Variants in KCNH2 observed in about 807,000 individuals in gnomAD.
KCNH2 encodes the protein potassium voltage-gated channel subfamily H member 2.
Under a neutral mutation model 95.9 loss-of-function variants are expected in KCNH2, and 35 were observed. The observed-to-expected ratio is 0.37, with a 90% confidence interval of 0.28 to 0.48. The LOEUF (loss-of-function observed/expected upper bound fraction) is 0.48, where lower values mean the gene tolerates loss of function less well. KCNH2 is among the 20% of genes least tolerant of loss of function. KCNH2 has a pLI of 0.99. For synonymous variants in KCNH2, 786 were observed against 754.7 expected, an observed-to-expected ratio of 1.04 and a Z score of -0.68; for missense variants, 1,274 against 1,702.9, an observed-to-expected ratio of 0.75 and a Z score of 4.43.
intron 2 of KCNH2, among the ~76,000 whole-genome samples, chr7:150,969,091 C>T (rs1344514758): frequency 6.6e-6 from 1 of 152,188 alleles, no homozygotes; most frequent in African/African-American, 2.4e-5. Context: ...GCCCATCATG[C>T]CCCAGAAGGG....
In KCNH2 at chr7:150,949,339, A is replaced by G. The variant is rs1414118331; in HGVS notation, c.2399-290T>C. ...CAGGTCCCAAACACCCTCTTAGCCA[A>G]TCACTGCACCCTTATAAGCAATGTT... On this transcript the variant is annotated intron_variant, in intron 9 of 14. Transcript: ENST00000262186. The G allele has an allele frequency of 1.9e-5, 25 of 1,334,478 alleles. No individual in the cohort carries two copies. In the Admixed American group the frequency reaches 8.0e-4, roughly 43 times the overall value. 82.7% of individuals were successfully genotyped at this position (1,334,478 alleles called of 1,614,324 possible). A position where few individuals can be genotyped will look rare whatever the true frequency, so the allele number is the denominator to read the frequency against.
At chr7:150,954,073 C>T (rs1327072051) in intron 5 of KCNH2, among the ~76,000 whole-genome samples, 9 of 152,208 alleles carry the variant, frequency 5.9e-5, no homozygotes, top group Admixed American at 5.9e-4. Flanking sequence ...AAGATTTGAC[C>T]ACCCTGGGGT....
intron 5 of KCNH2, chr7:150,955,953 T>A: frequency 1.8e-6 from 1 of 550,278 alleles, no homozygotes; most frequent in Non-Finnish European, 2.3e-6. Context: ...TCCCGCAGCC[T>A]GAGCCCCTCC....
rs1184331618 is a variant in KCNH2 at position 150,978,268 on chromosome 7, C to T, written c.-355G>A. ...GCCTGCCACCGCGCCGACAGCCGCT[C>T]CAGCGCCCGCGGCTCGGGCAGCGCC... On this transcript the variant is annotated 5_prime_UTR_variant, in exon 1 of 15. Coordinates refer to ENST00000262186, the MANE Select transcript of KCNH2 (RefSeq NM_000238.4). 6.8e-6 allele frequency: 1 copy of T among 146,592 alleles called. No individual in the cohort carries two copies. The highest frequency in any genetic ancestry group is 1.5e-5 in the Non-Finnish European group (1 of 65,840). The allele number at this position is 146,592 out of a possible 1,614,324, so 9.1% of individuals were successfully genotyped here. A position where few individuals can be genotyped will look rare whatever the true frequency, so the allele number is the denominator to read the frequency against.
intron 7 of KCNH2, 159 bp downstream of exon 7, chr7:150,951,289 C>T (rs1252415897): frequency 1.3e-5 from 14 of 1,092,948 alleles, no homozygotes; most frequent in Non-Finnish European, 1.8e-5. Flanking sequence ...CAGTAGTCCC[C>T]GCCCTGGTGA....
intron 13 of KCNH2, 59 bp downstream of exon 13, chr7:150,947,269 C>G: frequency 7.1e-7 from 1 of 1,411,140 alleles, no homozygotes; most frequent in Non-Finnish European, 9.6e-7. Context: ...CAGACAACAC[C>G]GCCAGGACCT....
intron 2 of KCNH2, among the ~76,000 whole-genome samples, chr7:150,968,764 A>G (rs1468363356): frequency 2.6e-5 from 4 of 152,104 alleles, no homozygotes; most frequent in African/African-American, 4.8e-5. Flanking sequence ...CAGGGAGGGA[A>G]GGGGAGAGGC....
chr7:150,946,791 C>T lies in KCNH2; in HGVS notation c.3330+86G>A. On this transcript the variant is annotated intron_variant, in intron 14 of 14. Transcript: ENST00000262186. This position sits in a 1 kb window ranked among gnomAD's most constrained non-coding sequence, Gnocchi z 6.5. ...TTCAGGGAGGCTGGGCCACAGAGCC[C>T]AGCAGAAAGGCAGCAAAGCAGGTTT... 1 of 1,310,326 alleles carries T rather than the reference C, an allele frequency of 7.6e-7. No individual in the cohort carries two copies. 81.2% of individuals were successfully genotyped at this position (1,310,326 alleles called of 1,614,324 possible).
Position 150,967,162 on chromosome 7 carries a change from C to G in KCNH2, c.308-7426G>C, listed in dbSNP as rs571364443. Among the ~76,000 whole-genome samples, 68 of 152,144 alleles carry G rather than the reference C, an allele frequency of 4.5e-4. 1 individual carries two copies. Among genetic ancestry groups the G allele is most frequent in the South Asian group, 1.9e-3 (9 of 4,806 alleles). On this transcript the variant is annotated intron_variant, in intron 2 of 14. Coordinates refer to ENST00000262186, the MANE Select transcript of KCNH2 (RefSeq NM_000238.4). ...GATGTGGTGGTGCACACCTGTAATC[C>G]CAGCTACTCGGGAGGCTGAGACAGG...
At chr7:150,955,857 C>G (rs1331815468) in intron 5 of KCNH2, 1 of 1,033,408 alleles carries the variant, frequency 9.7e-7, no homozygotes, top group East Asian at 7.5e-5. Context: ...CCCACCCCCA[C>G]CCCGCCACAC....
At chr7:150,971,875 T>G (rs41312520) in intron 2 of KCNH2, among the ~76,000 whole-genome samples, 6 of 151,976 alleles carry the variant, frequency 3.9e-5, no homozygotes, top group Non-Finnish European at 7.4e-5. Flanking sequence ...CTGTGAGGAC[T>G]GGCAGAGGAG....
intron 3 of KCNH2, among the ~76,000 whole-genome samples, chr7:150,958,769 G>A (rs1012892616): frequency 6.6e-6 from 1 of 152,210 alleles, no homozygotes; most frequent in African/African-American, 2.4e-5. Context: ...GGGTGCCAGC[G>A]TCCCCATTTT....
intron 2 of KCNH2, among the ~76,000 whole-genome samples, chr7:150,971,572 T>C (rs1231619556): frequency 6.6e-6 from 1 of 151,496 alleles, no homozygotes; most frequent in Non-Finnish European, 1.5e-5. Context: ...GCCTTCCAGA[T>C]AGAGGCTCCG....
At chr7:150,974,611 G>GCCCCCACACCCCCACA (rs924035781) in intron 2 of KCNH2, 100 bp downstream of exon 2, 1 of 794,826 alleles carries the variant, frequency 1.3e-6, no homozygotes, top group African/African-American at 1.8e-5. Flanking sequence ...TTCTCCAGCC[G>GCCCCCACACCCCCACA]CCCCCACACC....
Position 150,958,213 on chromosome 7 carries a change from G to C in KCNH2, c.762C>G (p.His254Gln), listed in dbSNP as rs199473502. Reference protein sequence around the residue: ...APGQLPSPRAHSLNPDASGSS... With the variant: ...APGQLPSPRAQSLNPDASGSS... ...AGCCCGAGGCGTCGGGGTTGAGGCT[G>C]TGCGCCCGGGGCGATGGGAGCTGGC... The change falls in exon 4 of 15, where the codon CAC becomes CAG. Residue 254 changes from histidine to glutamine, a missense_variant. His to Gln is a conservative substitution (Grantham distance 24, BLOSUM62 0). Transcript: ENST00000262186. 21 of 1,371,392 alleles carry C rather than the reference G, an allele frequency of 1.5e-5. No individual in the cohort carries two copies. Among genetic ancestry groups the C allele is most frequent in the Non-Finnish European group, 2.0e-5 (21 of 1,065,366 alleles). The allele number at this position is 1,371,392 out of a possible 1,614,324, so 85.0% of individuals were successfully genotyped here. A position where few individuals can be genotyped will look rare whatever the true frequency, so the allele number is the denominator to read the frequency against.
Position 150,958,132 on chromosome 7 carries a change from G to T in KCNH2, c.843C>A (p.Arg281=). 21 of 1,304,444 alleles carry T rather than the reference G, an allele frequency of 1.6e-5. No individual in the cohort carries two copies. The highest frequency in any genetic ancestry group is 1.9e-5 in the Non-Finnish European group (20 of 1,030,752). The allele number at this position is 1,304,444 out of a possible 1,614,324, so 80.8% of individuals were successfully genotyped here. Residue 281 remains arginine, a synonymous_variant, in exon 4 of 15, where the codon CGC becomes CGA. Coordinates refer to ENST00000262186, the MANE Select transcript of KCNH2 (RefSeq NM_000238.4). ...RSRESCASVR[R]ASSADDIEAM... is the part of the protein sequence containing the mutation. Reference sequence around the variant, plus strand: ...CCTCGATGTCGTCGGCCGACGAGGCGCGGCGCACGCTGGCGCAGCTTTCTC... The same window carrying T: ...CCTCGATGTCGTCGGCCGACGAGGCTCGGCGCACGCTGGCGCAGCTTTCTC...
chr7:150,967,194 G>A (rs755729028), intron 2 of KCNH2, among the ~76,000 whole-genome samples: 2 of 152,082 alleles, frequency 1.3e-5, no homozygotes, highest in Admixed American at 1.3e-4. Context: ...CAGGAGAATC[G>A]CTTGAACCCA....
chr7:150,945,805 G>A lies in KCNH2; in HGVS notation c.3331-291C>T, dbSNP rs1030919678. Among the ~76,000 whole-genome samples the A allele has an allele frequency of 2.0e-5, 3 of 152,332 alleles. No individual in the cohort carries two copies. Among genetic ancestry groups the A allele is most frequent in the East Asian group, 1.9e-4 (1 of 5,180 alleles). ...AAACCCTAGGCCCCTGTCTCTTCCCGAGGGAATGTGGCCGCTGAGCCCAAC... is the reference window on the plus strand; with the variant it reads ...AAACCCTAGGCCCCTGTCTCTTCCCAAGGGAATGTGGCCGCTGAGCCCAAC... On this transcript the variant is annotated intron_variant, in intron 14 of 14. Coordinates refer to ENST00000262186, the MANE Select transcript of KCNH2 (RefSeq NM_000238.4). This position sits in a 1 kb window ranked among gnomAD's most constrained non-coding sequence, Gnocchi z 5.6.
At chr7:150,967,567 G>A (rs543231314) in intron 2 of KCNH2, among the ~76,000 whole-genome samples, 4 of 152,304 alleles carry the variant, frequency 2.6e-5, no homozygotes, top group African/African-American at 4.8e-5. Flanking sequence ...TACAAGATGC[G>A]TTGGGAAAGT....
Sources: allele counts gnomAD v4.1 joint callset (sites outside exome capture counted in the v4.1 genomes callset), GRCh38; gene constraint gnomAD v4.1.1; non-coding constraint Gnocchi (gnomAD v3.1); transcripts MANE v1.5; gene names NCBI Gene and HGNC (gene_info 2026-07-23, HGNC 2026-07-21).